Variants in DLGAP2 observed in about 807,000 individuals in gnomAD.
DLGAP2 encodes disks large-associated protein 2.
In DLGAP2, 26 loss-of-function variants were observed where a neutral mutation model predicts 100.3. The observed-to-expected ratio is 0.26, with a 90% CI of 0.19 to 0.36. The LOEUF is 0.36. DLGAP2 is among the 10% of genes least tolerant of loss of function. The pLI is 1.00. For missense variants in DLGAP2, 1,858 were observed against 1,453.2 expected (o/e 1.28, Z -4.53); for synonymous variants, 886 against 630.1 (o/e 1.41, Z -6.08).
At chr8:1,187,216 C>T (rs1358415574) in intron 2 of DLGAP2, among the ~76,000 whole-genome samples, 1 of 152,178 alleles carries the variant, frequency 6.6e-6, no homozygotes, top group Non-Finnish European at 1.5e-5. Context: ...CACGGAATTT[C>T]ACACGGGACC....
chr8:1,549,773 A>G (rs780631603), intron 5 of DLGAP2, 90 bp downstream of exon 5: 16 of 1,324,694 alleles, frequency 1.2e-5, no homozygotes, highest in Non-Finnish European at 1.5e-5. Flanking sequence ...TAACAACTGC[A>G]TACACATTTA....
At chr8:1,523,357 C>T (rs1223264027) in intron 4 of DLGAP2, among the ~76,000 whole-genome samples, 2 of 152,232 alleles carry the variant, frequency 1.3e-5, no homozygotes, top group African/African-American at 2.4e-5. Context: ...CTTCCCACCC[C>T]GCGCCTCACA....
chr8:958,865 C>T (rs564410816), intron 2 of DLGAP2, among the ~76,000 whole-genome samples: 10 of 152,172 alleles, frequency 6.6e-5, no homozygotes, highest in East Asian at 1.9e-4. Flanking sequence ...GACAGTTGCT[C>T]GGAAATCTTA....
chr8:1,366,405 G>A (rs191604531), intron 3 of DLGAP2, among the ~76,000 whole-genome samples: 11 of 152,326 alleles, frequency 7.2e-5, no homozygotes, highest in Non-Finnish European at 1.3e-4. Context: ...CATGTTGTGA[G>A]AGAACCAAGC....
At chr8:1,146,545 C>A (rs975770910) in intron 2 of DLGAP2, among the ~76,000 whole-genome samples, 5 of 151,894 alleles carry the variant, frequency 3.3e-5, no homozygotes, top group Non-Finnish European at 4.4e-5. Context: ...CCTGTAATAT[C>A]TCTGGAACTG....
intron 2 of DLGAP2, among the ~76,000 whole-genome samples, chr8:1,048,939 A>G (rs899484616): frequency 3.3e-5 from 5 of 152,218 alleles, no homozygotes; most frequent in Admixed American, 3.3e-4. Flanking sequence ...CACGGGTAGA[A>G]AAACAGCAGT....
At chr8:1,284,693 C>G (rs191428334) in intron 3 of DLGAP2, among the ~76,000 whole-genome samples, 2 of 152,354 alleles carry the variant, frequency 1.3e-5, no homozygotes, top group Non-Finnish European at 2.9e-5. Flanking sequence ...ACCGTCTCAG[C>G]TCAGTGCAGC....
intron 2 of DLGAP2, among the ~76,000 whole-genome samples, chr8:1,141,176 G>A (rs921845821): frequency 6.6e-6 from 1 of 152,140 alleles, no homozygotes; most frequent in Admixed American, 6.5e-5. Flanking sequence ...TTTTACGTGG[G>A]GGCTGGGTCA....
intron 1 of DLGAP2, among the ~76,000 whole-genome samples, chr8:782,963 G>A (rs1373615985): frequency 1.3e-5 from 2 of 152,206 alleles, no homozygotes; most frequent in East Asian, 1.9e-4. Context: ...GGGAAAGCTG[G>A]ATTAGGATGG....
intron 3 of DLGAP2, among the ~76,000 whole-genome samples, chr8:1,345,165 T>C (rs1375969233): frequency 6.3e-5 from 5 of 78,830 alleles, no homozygotes; most frequent in Non-Finnish European, 1.5e-4. Context: ...GGAAATTCAT[T>C]AGGGCCCAGT....
intron 2 of DLGAP2, among the ~76,000 whole-genome samples, chr8:1,174,378 C>T (rs1797205997): frequency 6.6e-6 from 1 of 151,398 alleles, no homozygotes. Flanking sequence ...ATTATCATTA[C>T]CATTACCACC....
intron 6 of DLGAP2, among the ~76,000 whole-genome samples, chr8:1,586,748 G>T (rs892025141): frequency 6.6e-6 from 1 of 152,194 alleles, no homozygotes; most frequent in Non-Finnish European, 1.5e-5. Context: ...TAACATTACC[G>T]TTGGGGAACT....
At chr8:1,372,861 G>T (rs1802279548) in intron 3 of DLGAP2, among the ~76,000 whole-genome samples, 1 of 152,218 alleles carries the variant, frequency 6.6e-6, no homozygotes, top group East Asian at 1.9e-4. Context: ...AATTCCTTCA[G>T]CTGTGTTTCA....
intron 1 of DLGAP2, among the ~76,000 whole-genome samples, chr8:825,574 C>G (rs1160791397): frequency 6.6e-6 from 1 of 152,154 alleles, no homozygotes; most frequent in African/African-American, 2.4e-5. Flanking sequence ...GACATCATCC[C>G]TCTCATTCCA....
chr8:1,516,560 TGAGG>T (rs1419420712), intron 4 of DLGAP2, among the ~76,000 whole-genome samples: 2 of 148,908 alleles, frequency 1.3e-5, no homozygotes, highest in Admixed American at 6.7e-5. Context: ...AGTGAGTGAA[TGAGG>T]GAGGGAGGGC....
At chr8:1,571,790 G>C (rs1802701937) in intron 6 of DLGAP2, among the ~76,000 whole-genome samples, 1 of 140,314 alleles carries the variant, frequency 7.1e-6, no homozygotes, top group Admixed American at 7.0e-5. Flanking sequence ...AGAGGAGACG[G>C]GGTGAACTAT....
chr8:1,308,472 CAT>C (rs1169903345), intron 3 of DLGAP2, among the ~76,000 whole-genome samples: 1 of 152,126 alleles, frequency 6.6e-6, no homozygotes, highest in East Asian at 1.9e-4. Context: ...GACTAAAAGA[CAT>C]ATAAAAAACA....
intron 3 of DLGAP2, among the ~76,000 whole-genome samples, chr8:1,380,914 G>C (rs1796077841): frequency 9.1e-6 from 1 of 109,826 alleles, no homozygotes; most frequent in Admixed American, 1.4e-4. Context: ...CTCAGAACCG[G>C]TTAGGATGTT....
At position 1,565,666 on chromosome 8, in the gene DLGAP2, T is replaced by C. The variant is rs1483960771; in HGVS notation, c.1231-17T>C. 5 of 1,602,052 alleles carry C rather than the reference T, an allele frequency of 3.1e-6. No individual in the cohort carries two copies. The highest frequency in any genetic ancestry group is 4.3e-6 in the Non-Finnish European group (5 of 1,172,530). On this transcript the variant is annotated splice_polypyrimidine_tract_variant and intron_variant, in intron 5 of 14. Coordinates refer to ENST00000637795, the MANE Select transcript of DLGAP2 (RefSeq NM_001346810.2). The stretch of plus-strand genomic sequence containing the variant: ...AGTGACAAAGTTGATGCGTGTTTCA[T>C]GTCTGTCTGCTCCCAGGTACCTCAG...
Sources: gnomAD v4.1 joint callset for allele counts (sites outside exome capture counted in the v4.1 genomes callset) on GRCh38, gnomAD v4.1.1 for gene constraint, MANE v1.5 for transcripts, NCBI Gene and HGNC (gene_info 2026-07-23, HGNC 2026-07-21) for gene names.